The following C10orf143 variants were observed in gnomAD, a reference collection of about 807,000 sequenced individuals.
C10orf143 encodes the protein chromosome 10 open reading frame 143.
Position 130,079,828 on chromosome 10 carries a change from G to A in C10orf143, c.143C>T (p.Ala48Val), listed in dbSNP as rs890336572. The change falls in exon 2 of 4, where the codon GCG (alanine) becomes GTG (valine). Residue 48 changes from alanine to valine, a missense_variant. Coordinates refer to ENST00000637128, the MANE Select transcript of C10orf143 (RefSeq NM_001355042.2). ...CTCCCGGTCCTCTGGGCCCCAGGAC[G>A]CCAGGGCACAGGCATTCACCTGGTG... ...GCHQVNACAL[A>V]SWGPEDRELP... The A allele has an allele frequency of 7.8e-5, 31 of 398,516 alleles. No individual in the cohort carries two copies. Among genetic ancestry groups the A allele is most frequent in the African/African-American group, 6.0e-4 (29 of 48,628 alleles). The allele number at this position is 398,516 out of a possible 1,614,324, so 24.7% of individuals were successfully genotyped here.
chr10:130,062,316 G>A (rs1441951690), downstream of C10orf143, among the ~76,000 whole-genome samples: 1 of 152,178 alleles, frequency 6.6e-6, no homozygotes, highest in Non-Finnish European at 1.5e-5. Flanking sequence ...GATCCTGGGT[G>A]TGTCTGTGAG....
intron 3 of C10orf143, among the ~76,000 whole-genome samples, chr10:130,057,907 C>T (rs2134738505): frequency 6.6e-6 from 1 of 152,346 alleles, no homozygotes; most frequent in East Asian, 1.9e-4. Context: ...CCCAGGCAGG[C>T]AGCCTGCCCA....
At chr10:130,049,526 C>T (rs1454209626) in intron 3 of C10orf143, among the ~76,000 whole-genome samples, 1 of 152,182 alleles carries the variant, frequency 6.6e-6, no homozygotes, top group African/African-American at 2.4e-5. Flanking sequence ...GAACCAGCCC[C>T]GGGAAGATGC....
chr10:130,093,918 G>T (rs1333395878), intron 1 of C10orf143, among the ~76,000 whole-genome samples: 1 of 151,746 alleles, frequency 6.6e-6, no homozygotes, highest in Admixed American at 6.6e-5. Flanking sequence ...GCTGAGGCAG[G>T]AGAATGGCAT....
chr10:130,088,617 G>C (rs1472033809), intron 1 of C10orf143, among the ~76,000 whole-genome samples: 5 of 152,152 alleles, frequency 3.3e-5, no homozygotes, highest in Non-Finnish European at 5.9e-5. Flanking sequence ...AGCTGAGGGA[G>C]GTTTCTTTGG....
chr10:130,109,272 T>G (rs988945402), intron 1 of C10orf143, among the ~76,000 whole-genome samples: 1 of 152,180 alleles, frequency 6.6e-6, no homozygotes, highest in South Asian at 2.1e-4. Context: ...TCATGTCACT[T>G]TTCTGTTTGT....
chr10:130,079,825 G>T lies in C10orf143; in HGVS notation c.146C>A (p.Ser49Tyr). The change falls in exon 2 of 4, where the codon TCC (serine) becomes TAC (tyrosine). Residue 49 changes from serine (S) to tyrosine (Y), a missense_variant. By Grantham distance (144) the Ser-to-Tyr change is moderately radical. Transcript: ENST00000637128. ...AAGCTCCCGGTCCTCTGGGCCCCAGGACGCCAGGGCACAGGCATTCACCTG... is the reference window on the plus strand; with the variant it reads ...AAGCTCCCGGTCCTCTGGGCCCCAGTACGCCAGGGCACAGGCATTCACCTG... ...CHQVNACALA[S>Y]WGPEDRELPS... is the part of the protein sequence containing the mutation. 1 of 398,674 alleles carries T rather than the reference G, an allele frequency of 2.5e-6. No homozygotes were observed. The highest frequency in any genetic ancestry group is 3.6e-5 in the East Asian group (1 of 28,082). 24.7% of individuals were successfully genotyped at this position (398,674 alleles called of 1,614,324 possible).
At chr10:130,078,611 T>C (rs576918761) in intron 3 of C10orf143, among the ~76,000 whole-genome samples, 1 of 152,362 alleles carries the variant, frequency 6.6e-6, no homozygotes, top group African/African-American at 2.4e-5. Flanking sequence ...TACTAAACTT[T>C]GTTTTCCTAT....
At chr10:130,088,473 T>C (rs1321203746) in intron 1 of C10orf143, among the ~76,000 whole-genome samples, 2 of 152,242 alleles carry the variant, frequency 1.3e-5, no homozygotes, top group African/African-American at 2.4e-5. Context: ...ATATATTTTA[T>C]ATAAAATAAT....
At chr10:130,077,274 C>G (rs757742932) in intron 3 of C10orf143, among the ~76,000 whole-genome samples, 1 of 152,072 alleles carries the variant, frequency 6.6e-6, no homozygotes, top group East Asian at 1.9e-4. Context: ...AGAAACAACT[C>G]AATCATAAAC....
Position 130,056,757 on chromosome 10 carries a change from A to G in C10orf143, c.298-20787T>C, listed in dbSNP as rs566433823. Among the ~76,000 whole-genome samples the G allele has an allele frequency of 5.9e-5, 9 of 151,320 alleles. No individual in the cohort carries two copies. The East Asian group carries it at 1.6e-3, about 27-fold the overall frequency. On this transcript the variant is annotated intron_variant and NMD_transcript_variant, in intron 3 of 5. Transcript: ENST00000643056. The surrounding 1 kb of genome is among the most constrained non-coding windows in gnomAD (Gnocchi z 4.6). ...CAGGCACCCACCACCGCACCTGGCT[A>G]ATTTTTTGTATTTTTAGTAGAGACG...
At chr10:130,106,804 A>C (rs1052105519) in intron 1 of C10orf143, 8 of 1,194,776 alleles carry the variant, frequency 6.7e-6, no homozygotes, top group Non-Finnish European at 8.7e-6. Context: ...AAGTACATGC[A>C]GAACAAGTTC....
chr10:130,054,150 T>A (rs1214452067), intron 3 of C10orf143, among the ~76,000 whole-genome samples: 1 of 152,190 alleles, frequency 6.6e-6, no homozygotes, highest in East Asian at 1.9e-4. Context: ...TAAGTGAAAT[T>A]TTATACTGGC....
At position 130,042,033 on chromosome 10, in the gene C10orf143, C is replaced by G. The variant is rs148399123; in HGVS notation, c.298-6063G>C. On this transcript the variant is annotated intron_variant and NMD_transcript_variant, in intron 3 of 5. Coordinates refer to the C10orf143 transcript ENST00000643056. Reference sequence around the variant, plus strand: ...TGCATGCACACACGTTCATACATACCCAAATATGCACTTGTGTACACACGT... The same window carrying G: ...TGCATGCACACACGTTCATACATACGCAAATATGCACTTGTGTACACACGT... Among the ~76,000 whole-genome samples the G allele has an allele frequency of 4.3e-3, 652 of 152,102 alleles. 1 individual carries two copies. Among genetic ancestry groups the G allele is most frequent in the Non-Finnish European group, 6.5e-3 (440 of 68,000 alleles).
intron 1 of C10orf143, among the ~76,000 whole-genome samples, chr10:130,109,851 GA>G (rs918302553): frequency 4.1e-5 from 6 of 147,760 alleles, no homozygotes; most frequent in Non-Finnish European, 6.0e-5. Context: ...AGCTCTAGAA[GA>G]AAAAAAAAAG....
intron 3 of C10orf143, among the ~76,000 whole-genome samples, chr10:130,058,894 T>A (rs1860824630): frequency 6.6e-6 from 1 of 152,142 alleles, no homozygotes; most frequent in South Asian, 2.1e-4. Context: ...GGGCACACAT[T>A]TATTCGCTCT....
rs184837328 is a variant in C10orf143, at chr10:130,081,120, A to C, written c.70-1219T>G. On this transcript the variant is annotated intron_variant, in intron 1 of 3. Coordinates refer to ENST00000637128, the MANE Select transcript of C10orf143 (RefSeq NM_001355042.2). The stretch of plus-strand genomic sequence containing the variant: ...TGTACTTAAAATCAAGTGATTCTGA[A>C]AGGCTAAAAATAAAAAGGATGGACC... Among the ~76,000 whole-genome samples the C allele has an allele frequency of 6.0e-4, 92 of 152,344 alleles. No homozygotes were observed. The East Asian group carries it at 0.017, about 29-fold the overall frequency.
chr10:130,097,729 AAAG>A (rs1435970024), intron 1 of C10orf143, among the ~76,000 whole-genome samples: 1 of 144,332 alleles, frequency 6.9e-6, no homozygotes, highest in African/African-American at 2.5e-5. Context: ...ACAGCCATAA[AAAG>A]GAGCACACTA....
intron 3 of C10orf143, among the ~76,000 whole-genome samples, chr10:130,042,244 C>A (rs1474572106): frequency 2.6e-5 from 4 of 152,316 alleles, no homozygotes; most frequent in Admixed American, 2.6e-4. Context: ...AGAGTTATCA[C>A]GTACATGGAA....
Sources: allele counts gnomAD v4.1 joint callset (sites outside exome capture counted in the v4.1 genomes callset), GRCh38; gene constraint gnomAD v4.1.1; non-coding constraint Gnocchi (gnomAD v3.1); transcripts MANE v1.5; gene names NCBI Gene and HGNC (gene_info 2026-07-23, HGNC 2026-07-21).